The following IMMT variants were observed in gnomAD, a reference collection of about 807,000 sequenced individuals.
The protein encoded by IMMT is MICOS complex subunit MIC60.
IMMT carries 40 observed loss-of-function variants against 92.7 expected under a neutral mutation model. The ratio of observed to expected loss-of-function variants is 0.43; its 90% confidence interval spans 0.34 to 0.56. IMMT has a LOEUF of 0.56. Ranked by LOEUF, IMMT falls within the 20% of genes least tolerant of loss-of-function variation. The probability of loss-of-function intolerance (pLI) is 0.03; values close to 1 mark genes in which losing one functional copy is unlikely to be tolerated. For synonymous variants in IMMT, 322 were observed against 336.1 expected, an observed-to-expected ratio of 0.96 and a Z score of 0.46; for missense variants, 831 against 912.1, an observed-to-expected ratio of 0.91 and a Z score of 1.14.
At chr2:86,156,190 A>G (rs1675842833) in intron 10 of IMMT, among the ~76,000 whole-genome samples, 1 of 152,162 alleles carries the variant, frequency 6.6e-6, no homozygotes, top group Non-Finnish European at 1.5e-5. Flanking sequence ...ACTACATGCC[A>G]GTAGCTCCCT....
Position 86,167,168 on chromosome 2 carries a change from ACTT to A in IMMT, c.656-527_656-525del, listed in dbSNP as rs201789913. Among the ~76,000 whole-genome samples, 328 of 144,064 alleles carry A rather than the reference ACTT, an allele frequency of 2.3e-3. 2 individuals are homozygous for A. Among genetic ancestry groups the A allele is most frequent in the African/African-American group, 6.7e-3 (254 of 38,116 alleles). 94.5% of individuals were successfully genotyped at this position (144,064 alleles called of 152,430 possible). A position where few individuals can be genotyped will look rare whatever the true frequency, so the allele number is the denominator to read the frequency against. ...TGATAAATCTATGAAGCTTTATTACACTTCTTTTTTTTTTTTTTTTTGAGACAG... is the reference window on the plus strand; with the variant it reads ...TGATAAATCTATGAAGCTTTATTACACTTTTTTTTTTTTTTTTTGAGACAG... On this transcript the variant is annotated intron_variant, in intron 6 of 14. Transcript: ENST00000410111.
intron 1 of IMMT, chr2:86,192,999 A>C (rs1208947621): frequency 1.3e-5 from 2 of 153,994 alleles, no homozygotes; most frequent in Non-Finnish European, 1.5e-5. Flanking sequence ...GCATGACCTC[A>C]TGTTTGCCTT....
rs773166230 is a variant in IMMT at position 86,151,401 on chromosome 2, C to T, written c.1297G>A (p.Ala433Thr). Residue 433 changes from alanine (A) to threonine (T), a missense_variant, in exon 12 of 15, where the codon GCC (alanine) becomes ACC (threonine). Physicochemically the swap from Ala to Thr is moderately conservative, Grantham distance 58. Coordinates refer to ENST00000410111, the MANE Select transcript of IMMT (RefSeq NM_006839.3). The part of the protein sequence containing the change: ...KATEKQHITL[A>T]LEKQKLEEKR... ...TCTTCCAGCTTTTGTTTCTCCAAGG[C>T]TAACGTGATGTGCTGCTTTTCGGTG... 8.7e-6 allele frequency: 14 copies of T among 1,614,026 alleles called. No individual in the cohort carries two copies. The highest frequency in any genetic ancestry group is 1.1e-5 in the Non-Finnish European group (13 of 1,179,904).
intron 10 of IMMT, among the ~76,000 whole-genome samples, chr2:86,154,316 G>A (rs1218190052): frequency 1.3e-5 from 2 of 151,720 alleles, no homozygotes; most frequent in Non-Finnish European, 2.9e-5. Context: ...GGGACTACAT[G>A]CGCCTCCCAC....
At chr2:86,187,203 A>AT (rs1441326589) in intron 1 of IMMT, among the ~76,000 whole-genome samples, 9 of 152,220 alleles carry the variant, frequency 5.9e-5, no homozygotes, top group South Asian at 2.1e-4. Context: ...TTAAGCAGTC[A>AT]TCCCCCATTT....
Position 86,144,492 on chromosome 2 carries a change from T to C in IMMT, c.2053A>G (p.Ile685Val), listed in dbSNP as rs780406193. Residue 685 changes from isoleucine to valine, a missense_variant, in exon 15 of 15, where the codon ATA (isoleucine) becomes GTA (valine). Transcript: ENST00000410111. Reference protein sequence around the residue: ...KPPPELCPEDINTFKLLSYAS... With the variant: ...KPPPELCPEDVNTFKLLSYAS... ...TATGACAGTAATTTAAATGTGTTTA[T>C]ATCCTCAGGGCAGAGCTCTGGGGGC... The C allele has an allele frequency of 1.4e-5, 22 of 1,614,020 alleles. No homozygotes were observed. Among genetic ancestry groups the C allele is most frequent in the Non-Finnish European group, 1.8e-5 (21 of 1,179,902 alleles).
In IMMT at chr2:86,154,092, G is replaced by A. The variant is rs184573756; in HGVS notation, c.1163-518C>T. ...TTGCCCAGGCTGGTCTCAAACTCCC[G>A]GGCTCAAGCGATCTGCCTTCCTCAG... On this transcript the variant is annotated intron_variant, in intron 10 of 14. Transcript: ENST00000410111. 3.3e-3 allele frequency among the ~76,000 whole-genome samples: 506 copies of A among 152,098 alleles called. 3 individuals carry two copies. Among genetic ancestry groups the A allele is most frequent in the Non-Finnish European group, 1.3e-3 (86 of 67,986 alleles).
At chr2:86,161,228 C>T (rs1676247918) in intron 8 of IMMT, among the ~76,000 whole-genome samples, 1 of 152,128 alleles carries the variant, frequency 6.6e-6, no homozygotes, top group African/African-American at 2.4e-5. Context: ...GTGGCACAAT[C>T]TCAGTTCACT....
At position 86,181,327 on chromosome 2, in the gene IMMT, G is replaced by A. The variant is rs201861204; in HGVS notation, c.91C>T (p.Arg31Cys). ...KFVLRPLRPC[R>C]RYSTSGSSGL... ...GAGCTGCCTGAAGTAGAGTATCTGCGGCATGGTCGCAATGGACGGAGGACA... is the reference window on the plus strand; with the variant it reads ...GAGCTGCCTGAAGTAGAGTATCTGCAGCATGGTCGCAATGGACGGAGGACA... Residue 31 changes from arginine (R) to cysteine (C), a missense_variant, in exon 2 of 15, where the codon CGC (arginine) becomes TGC (cysteine). Arg to Cys is a radical substitution (Grantham distance 180). Transcript: ENST00000410111. The A allele has an allele frequency of 7.9e-5, 127 of 1,613,588 alleles. No individual in the cohort carries two copies. In the Middle Eastern group the frequency reaches 1.2e-3, roughly 15 times the overall value.
rs1396773280 is a variant in IMMT, at chr2:86,161,638, C to T, written c.896+338G>A. On this transcript the variant is annotated intron_variant, in intron 8 of 14. Coordinates refer to ENST00000410111, the MANE Select transcript of IMMT (RefSeq NM_006839.3). ...AGGTGATTCTCCTGCCTCAGCCTCT[C>T]GAGTAGCTGGGACTACAGGCGCCCG... Among the ~76,000 whole-genome samples, 3 of 151,260 alleles carry T rather than the reference C, an allele frequency of 2.0e-5. No homozygotes were observed. The East Asian group carries it at 5.9e-4, about 30-fold the overall frequency.
intron 4 of IMMT, among the ~76,000 whole-genome samples, chr2:86,172,050 C>T (rs1328374681): frequency 6.7e-6 from 1 of 150,104 alleles, no homozygotes; most frequent in Admixed American, 6.7e-5. Context: ...ACTGCAACCT[C>T]GACCTCCCAG....
At chr2:86,163,540 T>C (rs1481687388) in intron 7 of IMMT, among the ~76,000 whole-genome samples, 1 of 152,132 alleles carries the variant, frequency 6.6e-6, no homozygotes, top group Non-Finnish European at 1.5e-5. Flanking sequence ...GGTTTTAAAT[T>C]TCAATTTGAG....
At chr2:86,169,790 G>A (rs913410256) in intron 6 of IMMT, among the ~76,000 whole-genome samples, 1 of 152,096 alleles carries the variant, frequency 6.6e-6, no homozygotes, top group Non-Finnish European at 1.5e-5. Context: ...GGTAGCTCAT[G>A]CCTGTAATCC....
At chr2:86,148,139 A>G (rs749609334) in intron 12 of IMMT, among the ~76,000 whole-genome samples, 2 of 152,230 alleles carry the variant, frequency 1.3e-5, no homozygotes, top group Non-Finnish European at 2.9e-5. Context: ...CATTTCCTGA[A>G]TCACATGCTC....
intron 6 of IMMT, among the ~76,000 whole-genome samples, chr2:86,168,220 T>C (rs188292756): frequency 9.4e-4 from 143 of 152,362 alleles, no homozygotes; most frequent in African/African-American, 3.2e-3. Flanking sequence ...CATTTCTATA[T>C]GCTGTTTCGG....
chr2:86,169,057 C>T (rs1452435824), intron 6 of IMMT, among the ~76,000 whole-genome samples: 1 of 152,142 alleles, frequency 6.6e-6, no homozygotes, highest in East Asian at 1.9e-4. Flanking sequence ...ATTTCACATG[C>T]AAATGCATAT....
At position 86,177,420 on chromosome 2, in the gene IMMT, T is replaced by C. The variant is rs186287741; in HGVS notation, c.309+2013A>G. ...GAGTTTAAGACCAGCCTGGCCAACA[T>C]GGTGAAACCCCATCTCTACTAAAAA... On this transcript the variant is annotated intron_variant, in intron 3 of 14. Coordinates refer to ENST00000410111, the MANE Select transcript of IMMT (RefSeq NM_006839.3). Among the ~76,000 whole-genome samples, 605 of 152,014 alleles carry C rather than the reference T, an allele frequency of 4.0e-3. 1 individual carries two copies. Among genetic ancestry groups the C allele is most frequent in the Non-Finnish European group, 6.9e-3 (466 of 67,952 alleles).
At chr2:86,164,927 G>C (rs1375352241) in intron 7 of IMMT, among the ~76,000 whole-genome samples, 2 of 152,116 alleles carry the variant, frequency 1.3e-5, no homozygotes, top group African/African-American at 2.4e-5. Context: ...ACTGCTTTGT[G>C]AAAGTTATTC....
At chr2:86,163,831 C>T (rs547298566) in intron 7 of IMMT, among the ~76,000 whole-genome samples, 13 of 151,132 alleles carry the variant, frequency 8.6e-5, no homozygotes, top group African/African-American at 2.7e-4. Context: ...TGGTGATGGG[C>T]GCCTGTAATC....
Sources: allele counts gnomAD v4.1 joint callset (sites outside exome capture counted in the v4.1 genomes callset), GRCh38; gene constraint gnomAD v4.1.1; transcripts MANE v1.5; gene names NCBI Gene and HGNC (gene_info 2026-07-23, HGNC 2026-07-21).